DOCK3: variants seen among roughly 807,000 people sequenced by gnomAD.
DOCK3 encodes the protein dedicator of cytokinesis 3, also known as dedicator of cytokinesis protein 3.
DOCK3 carries 60 observed loss-of-function variants against 265.6 expected under a neutral mutation model. The observed-to-expected ratio is 0.23, with a 90% confidence interval of 0.18 to 0.28. The LOEUF (loss-of-function observed/expected upper bound fraction) is 0.28, where lower values mean the gene tolerates loss of function less well. DOCK3 is among the 10% of genes least tolerant of loss of function. DOCK3 has a pLI of 1.00. For missense variants in DOCK3, 1,981 were observed against 2,594.3 expected, an observed-to-expected ratio of 0.76 and a Z score of 5.14; for synonymous variants, 881 against 938.0, an observed-to-expected ratio of 0.94 and a Z score of 1.11.
rs1026445270 is a variant in DOCK3, at chr3:51,237,174, C to T, written c.2002-316C>T. On this transcript the variant is annotated intron_variant, in intron 20 of 52. Coordinates refer to ENST00000266037, the MANE Select transcript of DOCK3 (RefSeq NM_004947.5). ...TTTGGGAATACCTTATTGTTTATGC[C>T]ATCTACACGCATATTGTTTTGCCTT... Among the ~76,000 whole-genome samples the T allele has an allele frequency of 4.0e-5, 6 of 151,140 alleles. No homozygotes were observed. In the South Asian group the frequency reaches 6.3e-4, roughly 16 times the overall value.
At position 51,090,271 on chromosome 3, in the gene DOCK3, G is replaced by C. The variant is rs577044257; in HGVS notation, c.633G>C (p.Met211Ile). 5.6e-5 allele frequency: 89 copies of C among 1,598,684 alleles called. No individual in the cohort carries two copies. The African/African-American group carries it at 6.3e-4, about 11-fold the overall frequency. Residue 211 changes from methionine to isoleucine, a missense_variant, in exon 9 of 53, where the codon ATG becomes ATC. Around this residue, in one of 4 missense-constraint regions of DOCK3, gnomAD observed 456 missense variants for 539.0 expected, o/e 0.85. Transcript: ENST00000266037. ...CACGTCATGGGGAAACATGTCGGATGCCAGTGCCACATCACTTCTTCCTCA... is the reference window on the plus strand; with the variant it reads ...CACGTCATGGGGAAACATGTCGGATCCCAGTGCCACATCACTTCTTCCTCA... ...MRPRHGETCR[M>I]PVPHHFFLSL...
intron 4 of DOCK3, among the ~76,000 whole-genome samples, chr3:50,926,299 TC>T (rs1452479425): frequency 1.3e-5 from 2 of 152,202 alleles, no homozygotes; most frequent in Non-Finnish European, 2.9e-5. Flanking sequence ...AAAGGGAGAA[TC>T]AGTAGATCAA....
At chr3:51,066,029 T>C (rs1481948234) in intron 6 of DOCK3, among the ~76,000 whole-genome samples, 1 of 152,190 alleles carries the variant, frequency 6.6e-6, no homozygotes, top group African/African-American at 2.4e-5. Context: ...CTATGTAGAA[T>C]AAGATGCCAT....
chr3:51,357,758 G>A lies in DOCK3; in HGVS notation c.4684G>A (p.Ala1562Thr). The A allele has an allele frequency of 6.2e-7, 1 of 1,613,982 alleles. No homozygotes were observed. The highest frequency in any genetic ancestry group is 8.5e-7 in the Non-Finnish European group (1 of 1,179,882). ...CCTGACTTGGCCTTTCCTTTCACAG[G>A]CCTTCTTTGATAAAGATTACATCAA... ...VNGGIARYQE[A>T]FFDKDYINKH... Residue 1562 changes from alanine (A) to threonine (T), a missense_variant and splice_region_variant, in exon 45 of 53, where the codon GCC (alanine) becomes ACC (threonine). Physicochemically the swap from Ala to Thr is moderately conservative, Grantham distance 58. Coordinates refer to ENST00000266037, the MANE Select transcript of DOCK3 (RefSeq NM_004947.5).
At chr3:50,828,834 C>T (rs1432536385) in intron 2 of DOCK3, among the ~76,000 whole-genome samples, 1 of 152,172 alleles carries the variant, frequency 6.6e-6, no homozygotes, top group African/African-American at 2.4e-5. Context: ...CTGCCTCAGC[C>T]TCCTGAGTAG....
intron 1 of DOCK3, among the ~76,000 whole-genome samples, chr3:50,745,928 C>T (rs536746463): frequency 4.6e-5 from 7 of 152,248 alleles, no homozygotes; most frequent in African/African-American, 1.2e-4. Flanking sequence ...GCTTCCTGTT[C>T]TGTCATTGTG....
At chr3:51,331,728 T>C (rs892719166) in intron 33 of DOCK3, among the ~76,000 whole-genome samples, 1 of 152,020 alleles carries the variant, frequency 6.6e-6, no homozygotes, top group Admixed American at 6.6e-5. Flanking sequence ...GAGGCTAAGG[T>C]GGGAGGATTG....
At chr3:50,974,828 T>G (rs1269018541) in intron 5 of DOCK3, among the ~76,000 whole-genome samples, 2 of 143,328 alleles carry the variant, frequency 1.4e-5, no homozygotes. Flanking sequence ...AGCAGTGGTT[T>G]GTAGTTCTCC....
chr3:50,866,147 T>A (rs2047130735), intron 3 of DOCK3, among the ~76,000 whole-genome samples: 1 of 152,170 alleles, frequency 6.6e-6, no homozygotes, highest in South Asian at 2.1e-4. Flanking sequence ...ATCCCGTTTG[T>A]CCATTTTTTC....
At chr3:51,270,122 C>T (rs1026556296) in intron 23 of DOCK3, among the ~76,000 whole-genome samples, 1 of 152,222 alleles carries the variant, frequency 6.6e-6, no homozygotes, top group Non-Finnish European at 1.5e-5. Context: ...CATGCACACT[C>T]CCACTCCCCT....
At chr3:51,347,935 C>A (rs896646338) in intron 38 of DOCK3, among the ~76,000 whole-genome samples, 9 of 152,164 alleles carry the variant, frequency 5.9e-5, no homozygotes, top group African/African-American at 9.7e-5. Flanking sequence ...ATTTGGCTCT[C>A]TGTTTGTCTG....
intron 1 of DOCK3, among the ~76,000 whole-genome samples, chr3:50,730,902 G>A (rs1261665549): frequency 6.6e-6 from 1 of 151,948 alleles, no homozygotes; most frequent in Non-Finnish European, 1.5e-5. Context: ...AGGCCGAGGT[G>A]GGTGGATCAC....
At chr3:50,978,370 C>T (rs914734929) in intron 5 of DOCK3, among the ~76,000 whole-genome samples, 9 of 151,572 alleles carry the variant, frequency 5.9e-5, no homozygotes, top group Middle Eastern at 3.2e-3. Flanking sequence ...ACAGGCAGGA[C>T]CCTCAGCTGC....
At chr3:50,726,953 C>A (rs2037870118) in intron 1 of DOCK3, among the ~76,000 whole-genome samples, 1 of 152,098 alleles carries the variant, frequency 6.6e-6, no homozygotes, top group Non-Finnish European at 1.5e-5. Context: ...ATTGAACTTA[C>A]TAGAGAGAGG....
chr3:51,080,161 C>A (rs934212597), intron 7 of DOCK3, among the ~76,000 whole-genome samples: 2 of 152,156 alleles, frequency 1.3e-5, no homozygotes, highest in African/African-American at 4.8e-5. Context: ...ATATAGCAGG[C>A]AATTAATTTT....
At chr3:50,996,985 T>C (rs899247514) in intron 5 of DOCK3, among the ~76,000 whole-genome samples, 3 of 152,206 alleles carry the variant, frequency 2.0e-5, no homozygotes, top group African/African-American at 7.2e-5. Context: ...TGGCTCTTCA[T>C]CCGAGAGGCT....
chr3:51,109,715 T>A (rs2083434481), intron 9 of DOCK3, among the ~76,000 whole-genome samples: 1 of 152,040 alleles, frequency 6.6e-6, no homozygotes, highest in Non-Finnish European at 1.5e-5. Flanking sequence ...GGTGGACCAC[T>A]GGAACCTGGG....
chr3:51,148,171 A>C (rs1398033270), intron 10 of DOCK3, among the ~76,000 whole-genome samples: 2 of 152,080 alleles, frequency 1.3e-5, no homozygotes, highest in Non-Finnish European at 2.9e-5. Context: ...ATCCTTTGCC[A>C]ACTTTTTGAT....
chr3:51,208,180 C>G (rs2089320600), intron 12 of DOCK3, among the ~76,000 whole-genome samples: 4 of 152,212 alleles, frequency 2.6e-5, no homozygotes. Context: ...AGGCATCCAG[C>G]TTTGTCTGCT....
Sources: gnomAD v4.1 joint callset for allele counts (sites outside exome capture counted in the v4.1 genomes callset) on GRCh38, gnomAD v4.1.1 for gene constraint, gnomAD v4.1.1 regional missense constraint, MANE v1.5 for transcripts, NCBI Gene and HGNC (gene_info 2026-07-23, HGNC 2026-07-21) for gene names.